CDH9: variants seen among roughly 807,000 people sequenced by gnomAD.
CDH9 encodes the protein cadherin 9, also known as cadherin-9.
A neutral mutation model predicts 70.9 loss-of-function variants in CDH9; 28 were observed. The ratio of observed to expected loss-of-function variants is 0.40; its 90% confidence interval spans 0.29 to 0.54. The LOEUF is 0.54. Ranked by LOEUF, CDH9 falls within the 20% of genes least tolerant of loss-of-function variation. CDH9 has a pLI of 0.59. For synonymous variants in CDH9, 409 were observed against 343.1 expected, an observed-to-expected ratio of 1.19 and a Z score of -2.12; for missense variants, 874 against 984.4, an observed-to-expected ratio of 0.89 and a Z score of 1.50.
chr5:26,889,073 A>G (rs1740612009), intron 9 of CDH9, among the ~76,000 whole-genome samples: 1 of 152,180 alleles, frequency 6.6e-6, no homozygotes, highest in African/African-American at 2.4e-5. Context: ...GAATAGAAGA[A>G]AAACTGTATT....
chr5:26,941,134 A>T (rs1476476361), intron 2 of CDH9, among the ~76,000 whole-genome samples: 2 of 152,210 alleles, frequency 1.3e-5, no homozygotes, highest in East Asian at 1.9e-4. Context: ...CTCAGTTTTA[A>T]ATCAGAATTA....
chr5:26,947,680 A>G (rs1741777063), intron 2 of CDH9, among the ~76,000 whole-genome samples: 1 of 152,176 alleles, frequency 6.6e-6, no homozygotes, highest in Admixed American at 6.5e-5. Flanking sequence ...AGCACCGTGA[A>G]GCTCTATTAC....
intron 1 of CDH9, among the ~76,000 whole-genome samples, chr5:27,008,456 C>T (rs1742904195): frequency 6.6e-6 from 1 of 151,304 alleles, no homozygotes; most frequent in South Asian, 2.1e-4. Flanking sequence ...CACCACTGCA[C>T]TCCAGCCTGG....
chr5:26,961,173 A>T (rs1169763331), intron 2 of CDH9, among the ~76,000 whole-genome samples: 1 of 152,164 alleles, frequency 6.6e-6, no homozygotes, highest in Non-Finnish European at 1.5e-5. Context: ...TATGGTAAGC[A>T]ACAAGGTGTT....
intron 1 of CDH9, among the ~76,000 whole-genome samples, chr5:27,003,712 A>G (rs942016840): frequency 2.6e-4 from 40 of 152,038 alleles, no homozygotes; most frequent in African/African-American, 9.2e-4. Context: ...AAAATAGTAA[A>G]TTTTCTCAGA....
At chr5:26,980,241 GA>G (rs1246147458) in intron 2 of CDH9, among the ~76,000 whole-genome samples, 2 of 151,566 alleles carry the variant, frequency 1.3e-5, no homozygotes, top group Admixed American at 6.6e-5. Flanking sequence ...TCTTTTTGTA[GA>G]AAAAAAGGCA....
chr5:26,918,903 T>G (rs1741194440), intron 2 of CDH9, among the ~76,000 whole-genome samples: 1 of 152,188 alleles, frequency 6.6e-6, no homozygotes, highest in Admixed American at 6.5e-5. Context: ...TGAGATCCAA[T>G]TCCTTATAAT....
intron 7 of CDH9, among the ~76,000 whole-genome samples, chr5:26,899,975 T>C (rs1219945453): frequency 6.6e-6 from 1 of 151,902 alleles, no homozygotes; most frequent in Non-Finnish European, 1.5e-5. Flanking sequence ...CTGATCAGGA[T>C]AAAGTAGATA....
At chr5:26,914,372 C>A (rs186330563) in intron 3 of CDH9, among the ~76,000 whole-genome samples, 1,965 of 151,772 alleles carry the variant, frequency 0.013, 21 homozygotes, top group Non-Finnish European at 0.018. Flanking sequence ...TTTAAATTAG[C>A]GCACTGGTCG....
intron 6 of CDH9, chr5:26,903,377 A>T (rs1740889638): frequency 1.8e-6 from 1 of 564,596 alleles, no homozygotes; most frequent in Admixed American, 3.0e-5. Flanking sequence ...ATGGAGAAAT[A>T]CAAAACAAGT....
chr5:26,912,292 G>T, intron 3 of CDH9, among the ~76,000 whole-genome samples: 1 of 151,868 alleles, frequency 6.6e-6, no homozygotes, highest in East Asian at 1.9e-4. Flanking sequence ...AATATTACTT[G>T]TTAGTTTTCC....
At chr5:27,002,125 C>A (rs1164006080) in intron 1 of CDH9, among the ~76,000 whole-genome samples, 1 of 152,104 alleles carries the variant, frequency 6.6e-6, no homozygotes, top group African/African-American at 2.4e-5. Flanking sequence ...TAAACAGATA[C>A]TTCCCAAAAG....
At chr5:26,967,012 A>G (rs1742140497) in intron 2 of CDH9, among the ~76,000 whole-genome samples, 1 of 152,188 alleles carries the variant, frequency 6.6e-6, no homozygotes, top group Admixed American at 6.5e-5. Flanking sequence ...AGCTCGTTGC[A>G]GCCTGGATCT....
intron 1 of CDH9, among the ~76,000 whole-genome samples, chr5:27,020,239 G>C (rs1367535288): frequency 1.3e-5 from 2 of 151,546 alleles, no homozygotes; most frequent in African/African-American, 2.4e-5. Context: ...TAAAATGGTT[G>C]TTTGTTTCCA....
At chr5:26,999,493 A>G (rs918863843) in intron 1 of CDH9, among the ~76,000 whole-genome samples, 8 of 152,192 alleles carry the variant, frequency 5.3e-5, no homozygotes, top group African/African-American at 1.9e-4. Context: ...CTATGTAGGT[A>G]CAGTAATCAT....
At chr5:26,932,697 A>G (rs1741483561) in intron 2 of CDH9, among the ~76,000 whole-genome samples, 1 of 152,120 alleles carries the variant, frequency 6.6e-6, no homozygotes, top group Non-Finnish European at 1.5e-5. Flanking sequence ...CTTGAATTTT[A>G]AATACACTCT....
At chr5:26,951,495 C>T (rs1180287634) in intron 2 of CDH9, among the ~76,000 whole-genome samples, 1 of 151,858 alleles carries the variant, frequency 6.6e-6, no homozygotes, top group Non-Finnish European at 1.5e-5. Context: ...TTGGCATACT[C>T]CCTGGAAAAC....
intron 1 of CDH9, among the ~76,000 whole-genome samples, chr5:27,001,344 T>C (rs1452895872): frequency 2.0e-5 from 3 of 152,100 alleles, no homozygotes; most frequent in African/African-American, 7.2e-5. Flanking sequence ...AATAAAGTTG[T>C]TTTCCGCAAG....
chr5:26,957,865 T>C (rs1452907504), intron 2 of CDH9, among the ~76,000 whole-genome samples: 1 of 99,544 alleles, frequency 1.0e-5, no homozygotes, highest in East Asian at 2.1e-4. Context: ...TTATTTTATA[T>C]ACGGATTCTA....
Sources: allele counts gnomAD v4.1 joint callset (sites outside exome capture counted in the v4.1 genomes callset), GRCh38; gene constraint gnomAD v4.1.1; transcripts MANE v1.5; gene names NCBI Gene and HGNC (gene_info 2026-07-23, HGNC 2026-07-21).